The following HS3ST5 variants were observed in gnomAD, a reference collection of about 807,000 sequenced individuals.
HS3ST5 encodes heparan sulfate-glucosamine 3-sulfotransferase 5.
In HS3ST5, 10 loss-of-function variants were observed where a neutral mutation model predicts 25.4. The observed-to-expected ratio is 0.39, with a 90% CI of 0.24 to 0.67. The LOEUF (loss-of-function observed/expected upper bound fraction) is 0.67, where lower values mean the gene tolerates loss of function less well. HS3ST5 is among the 30% of genes least tolerant of loss of function. The pLI is 0.44. For synonymous variants in HS3ST5, 170 were observed against 162.4 expected, an observed-to-expected ratio of 1.05 and a Z score of -0.36; for missense variants, 324 against 420.7, an observed-to-expected ratio of 0.77 and a Z score of 2.01.
At chr6:114,297,921 T>C (rs1774897824) in intron 1 of HS3ST5, among the ~76,000 whole-genome samples, 1 of 152,236 alleles carries the variant, frequency 6.6e-6, no homozygotes, top group South Asian at 2.1e-4. Flanking sequence ...AATTTTTCTA[T>C]GAATTATTCT....
At chr6:114,095,505 A>G (rs1315050417) in intron 3 of HS3ST5, among the ~76,000 whole-genome samples, 4 of 152,152 alleles carry the variant, frequency 2.6e-5, no homozygotes, top group African/African-American at 9.7e-5. Flanking sequence ...AGGGGCAAAT[A>G]ACCAAAGAAG....
At chr6:114,061,638 T>C (rs889123373) in intron 4 of HS3ST5, among the ~76,000 whole-genome samples, 2 of 152,218 alleles carry the variant, frequency 1.3e-5, no homozygotes, top group African/African-American at 4.8e-5. Flanking sequence ...ACTTCAGTCT[T>C]TCCAGTGCAA....
At chr6:114,093,662 GTATCTATT>G (rs1308948807) in intron 3 of HS3ST5, among the ~76,000 whole-genome samples, 1 of 151,592 alleles carries the variant, frequency 6.6e-6, no homozygotes, top group Non-Finnish European at 1.5e-5. Flanking sequence ...CCATTGTGCA[GTATCTATT>G]CATCATGACT....
rs1776932938 is a variant in HS3ST5, at chr6:114,342,576, A to G, written c.-720T>C. ...CAGGGCGCGCTCCCGTGGCGCGGGC[A>G]CGGCACGGGCGGCCGCAGGAGCCGG... is the stretch of plus-strand genomic sequence containing the variant. On this transcript the variant is annotated 5_prime_UTR_variant, in exon 1 of 5. Transcript: ENST00000312719. 1 of 153,928 alleles carries G rather than the reference A, an allele frequency of 6.5e-6. No individual in the cohort carries two copies. The highest frequency in any genetic ancestry group is 1.4e-5 in the Non-Finnish European group (1 of 68,984). 9.5% of individuals were successfully genotyped at this position (153,928 alleles called of 1,614,324 possible).
intron 1 of HS3ST5, among the ~76,000 whole-genome samples, chr6:114,254,153 G>A (rs546570418): frequency 7.9e-5 from 12 of 152,282 alleles, no homozygotes; most frequent in East Asian, 5.8e-4. Flanking sequence ...AGGATGAAGC[G>A]CACTGCAGTG....
chr6:114,223,531 A>T (rs1519690), intron 2 of HS3ST5, among the ~76,000 whole-genome samples: 61,968 of 151,162 alleles, frequency 0.41, 13,972 homozygotes, highest in South Asian at 0.65. Flanking sequence ...ATTGAAGAAG[A>T]ATTTCTGCTC....
intron 3 of HS3ST5, among the ~76,000 whole-genome samples, chr6:114,070,548 G>C (rs975374571): frequency 6.6e-6 from 1 of 152,094 alleles, no homozygotes; most frequent in African/African-American, 2.4e-5. Context: ...TATAGTAGAT[G>C]ATCAAAATAC....
intron 1 of HS3ST5, among the ~76,000 whole-genome samples, chr6:114,296,449 T>G (rs1450635527): frequency 6.6e-6 from 1 of 152,182 alleles, no homozygotes; most frequent in Non-Finnish European, 1.5e-5. Context: ...AGAATCAAAA[T>G]GTATTCATCC....
chr6:114,127,855 T>TATATATAG (rs1446156144), intron 3 of HS3ST5, among the ~76,000 whole-genome samples: 6 of 147,046 alleles, frequency 4.1e-5, no homozygotes, highest in Non-Finnish European at 1.5e-5. Context: ...TATATATATA[T>TATATATAG]AGAGAGAGAG....
At chr6:114,337,172 T>C (rs1776642394) in intron 1 of HS3ST5, among the ~76,000 whole-genome samples, 1 of 152,214 alleles carries the variant, frequency 6.6e-6, no homozygotes, top group Admixed American at 6.5e-5. Flanking sequence ...GAGATCATCA[T>C]GACAAAATAA....
Position 114,181,695 on chromosome 6 carries a change from A to G in HS3ST5, c.-144-13233T>C, listed in dbSNP as rs996680302. Among the ~76,000 whole-genome samples, 50 of 152,366 alleles carry G rather than the reference A, an allele frequency of 3.3e-4. 1 individual carries two copies. Among genetic ancestry groups the G allele is most frequent in the Non-Finnish European group, 7.3e-5 (5 of 68,034 alleles). On this transcript the variant is annotated intron_variant, in intron 2 of 4. Coordinates refer to ENST00000312719, the MANE Select transcript of HS3ST5 (RefSeq NM_153612.4). Reference sequence around the variant, plus strand: ...CCTGAAGAACACCAGAGTACATGGTATCATGACCTATGCCAAGATTTCAAA... The same window carrying G: ...CCTGAAGAACACCAGAGTACATGGTGTCATGACCTATGCCAAGATTTCAAA...
chr6:114,262,076 A>G (rs143354429), intron 1 of HS3ST5, among the ~76,000 whole-genome samples: 1 of 152,284 alleles, frequency 6.6e-6, no homozygotes, highest in Non-Finnish European at 1.5e-5. Context: ...CAAAGCATTG[A>G]AATTTCTCTA....
At chr6:114,309,016 C>T (rs1463469336) in intron 1 of HS3ST5, among the ~76,000 whole-genome samples, 1 of 152,142 alleles carries the variant, frequency 6.6e-6, no homozygotes, top group African/African-American at 2.4e-5. Context: ...GTCATTGGTA[C>T]TTAAACTGTA....
At chr6:114,304,315 A>G (rs1775202856) in intron 1 of HS3ST5, among the ~76,000 whole-genome samples, 1 of 152,098 alleles carries the variant, frequency 6.6e-6, no homozygotes, top group Non-Finnish European at 1.5e-5. Flanking sequence ...CACAAACACA[A>G]TTATGAATGT....
intron 3 of HS3ST5, among the ~76,000 whole-genome samples, chr6:114,134,644 G>A (rs960979182): frequency 2.0e-5 from 3 of 152,158 alleles, no homozygotes; most frequent in African/African-American, 7.2e-5. Flanking sequence ...ATTTAATTAG[G>A]GATGGAGAAT....
chr6:114,129,952 G>A (rs1286610614), intron 3 of HS3ST5, among the ~76,000 whole-genome samples: 1 of 152,174 alleles, frequency 6.6e-6, no homozygotes, highest in Non-Finnish European at 1.5e-5. Flanking sequence ...AGTCAGACAA[G>A]TTTCAGCTGT....
intron 1 of HS3ST5, among the ~76,000 whole-genome samples, chr6:114,244,197 T>C (rs1477549001): frequency 6.6e-6 from 1 of 152,244 alleles, no homozygotes; most frequent in Non-Finnish European, 1.5e-5. Context: ...GGTAGAAAAC[T>C]TGAGTTAATT....
intron 3 of HS3ST5, among the ~76,000 whole-genome samples, chr6:114,084,002 A>G (rs946015704): frequency 4.6e-5 from 7 of 151,380 alleles, no homozygotes; most frequent in African/African-American, 1.7e-4. Context: ...TTTAATTATT[A>G]TATATTACTT....
chr6:114,180,615 T>G (rs1478283395), intron 2 of HS3ST5, among the ~76,000 whole-genome samples: 1 of 152,186 alleles, frequency 6.6e-6, no homozygotes, highest in East Asian at 1.9e-4. Flanking sequence ...CTTCTCAGCC[T>G]GCAGACGGCC....
Sources: gnomAD v4.1 joint callset for allele counts (sites outside exome capture counted in the v4.1 genomes callset) on GRCh38, gnomAD v4.1.1 for gene constraint, MANE v1.5 for transcripts, NCBI Gene and HGNC (gene_info 2026-07-23, HGNC 2026-07-21) for gene names.